Variants in PSD2 observed in about 807,000 individuals in gnomAD.
PSD2 encodes the protein PH and SEC7 domain-containing protein 2.
PSD2 carries 38 observed loss-of-function variants against 69.8 expected under a neutral mutation model. The ratio of observed to expected loss-of-function variants is 0.54; its 90% CI spans 0.42 to 0.71. The LOEUF is 0.71. PSD2 is among the 30% of genes least tolerant of loss of function. The probability of loss-of-function intolerance (pLI) is 0.00; values close to 1 mark genes in which losing one functional copy is unlikely to be tolerated. For synonymous variants in PSD2, 412 were observed against 423.0 expected (o/e 0.97, Z 0.32); for missense variants, 943 against 1,014.5 (o/e 0.93, Z 0.96).
At chr5:139,790,391 C>T in the PSD2 span, among the ~76,000 whole-genome samples, 3 of 151,866 alleles carry the variant, frequency 2.0e-5, no homozygotes, top group Admixed American at 6.6e-5. Context: ...AATCACACAC[C>T]GAGAAGCTTC....
intron 4 of PSD2, among the ~76,000 whole-genome samples, chr5:139,815,096 C>T (rs142863794): frequency 6.6e-6 from 1 of 152,168 alleles, no homozygotes; most frequent in Non-Finnish European, 1.5e-5. Flanking sequence ...AGACCCTTGT[C>T]CATGAGTGGG....
the PSD2 span, among the ~76,000 whole-genome samples, chr5:139,754,950 T>G: frequency 6.6e-6 from 1 of 152,140 alleles, no homozygotes. Flanking sequence ...GTATGTGTTT[T>G]TGTGTGTGTG....
upstream of PSD2, among the ~76,000 whole-genome samples, chr5:139,795,435 C>A (rs977000241): frequency 5.3e-5 from 8 of 152,090 alleles, no homozygotes; most frequent in Admixed American, 3.3e-4. This position sits in a 1 kb window ranked among gnomAD's most constrained non-coding sequence, Gnocchi z 4.5. Flanking sequence ...CAGGGCCTGG[C>A]GGGTCCCGAG....
chr5:139,762,036 T>A, the PSD2 span, among the ~76,000 whole-genome samples: 24 of 152,350 alleles, frequency 1.6e-4, no homozygotes, highest in Non-Finnish European at 2.8e-4. Context: ...CAATAATTTT[T>A]ATTTTTATTT....
At chr5:139,809,288 C>G in intron 1 of PSD2, 103 bp from the exon 2 acceptor site, 2 of 893,754 alleles carry the variant, frequency 2.2e-6, no homozygotes, top group Non-Finnish European at 3.4e-6. Flanking sequence ...TGGCCATCTC[C>G]CACTCTCAGG....
At chr5:139,823,417 C>G (rs1760324894) in intron 7 of PSD2, among the ~76,000 whole-genome samples, 1 of 152,324 alleles carries the variant, frequency 6.6e-6, no homozygotes, top group South Asian at 2.1e-4. Context: ...CCCATCTCTG[C>G]CCCATCATTG....
At chr5:139,797,662 C>G (rs180781828) in intron 1 of PSD2, among the ~76,000 whole-genome samples, 1 of 152,292 alleles carries the variant, frequency 6.6e-6, no homozygotes, top group East Asian at 1.9e-4. Context: ...GGGGTATTAC[C>G]TCACCTAGCT....
In PSD2 at chr5:139,814,045, G is replaced by T; in HGVS notation, c.822-125G>T. The T allele has an allele frequency of 1.1e-6, 1 of 903,138 alleles. No homozygotes were observed. Among genetic ancestry groups the T allele is most frequent in the Non-Finnish European group, 1.7e-6 (1 of 578,188 alleles). The allele number at this position is 903,138 out of a possible 1,614,324, so 55.9% of individuals were successfully genotyped here. A position where few individuals can be genotyped will look rare whatever the true frequency, so the allele number is the denominator to read the frequency against. ...TGATTTCATTCCCTCCGGCTGCAGT[G>T]GAGCTTCTTTCCCTGTTCTGGCCCC... On this transcript the variant is annotated intron_variant, in intron 3 of 14. Transcript: ENST00000274710. The surrounding 1 kb of genome is among the most constrained non-coding windows in gnomAD (Gnocchi z 4.4).
At chr5:139,802,410 C>T (rs949357974) in intron 1 of PSD2, among the ~76,000 whole-genome samples, 6 of 151,818 alleles carry the variant, frequency 4.0e-5, no homozygotes, top group African/African-American at 7.3e-5. Context: ...GTGTTGTATC[C>T]GAGGCTGGGC....
chr5:139,841,901 TTATCA>T (rs1760879686), intron 14 of PSD2, among the ~76,000 whole-genome samples: 1 of 152,172 alleles, frequency 6.6e-6, no homozygotes, highest in African/African-American at 2.4e-5. Context: ...TACAAGACCC[TTATCA>T]GATATATGAC....
chr5:139,774,969 G>T, the PSD2 span, among the ~76,000 whole-genome samples: 2 of 152,164 alleles, frequency 1.3e-5, no homozygotes, highest in Non-Finnish European at 2.9e-5. Context: ...ATCACCAGGA[G>T]CCCAGATCAT....
At position 139,842,808 on chromosome 5, in the gene PSD2, C is replaced by T. The variant is rs1199437007; in HGVS notation, c.*334C>T. The stretch of plus-strand genomic sequence containing the variant: ...TTGTCTTCCCAGGTCTTTCTCTTCT[C>T]ATCAAGCTCCTCTCCTCATCTTTTT... On this transcript the variant is annotated 3_prime_UTR_variant, in exon 15 of 15. Coordinates refer to ENST00000274710, the MANE Select transcript of PSD2 (RefSeq NM_032289.4). 1 of 237,222 alleles carries T rather than the reference C, an allele frequency of 4.2e-6. No individual in the cohort carries two copies. Among genetic ancestry groups the T allele is most frequent in the African/African-American group, 2.2e-5 (1 of 44,722 alleles). 14.7% of individuals were successfully genotyped at this position (237,222 alleles called of 1,614,324 possible). A position where few individuals can be genotyped will look rare whatever the true frequency, so the allele number is the denominator to read the frequency against.
intron 5 of PSD2, 55 bp downstream of exon 5, chr5:139,817,616 A>G: frequency 7.1e-7 from 1 of 1,399,522 alleles, no homozygotes; most frequent in South Asian, 1.2e-5. Flanking sequence ...GCACTTCTGG[A>G]TTCTCATGTC....
At chr5:139,822,853 C>T in intron 7 of PSD2, 69 bp downstream of exon 7, 1 of 1,370,490 alleles carries the variant, frequency 7.3e-7, no homozygotes, top group South Asian at 1.4e-5. Flanking sequence ...GATCCCGGCC[C>T]CTTCCTGAGA....
At chr5:139,803,900 T>C (rs1410277547) in intron 1 of PSD2, among the ~76,000 whole-genome samples, 1 of 152,054 alleles carries the variant, frequency 6.6e-6, no homozygotes, top group Non-Finnish European at 1.5e-5. Context: ...CCAGGCCCCT[T>C]GGTTGGCAGA....
At chr5:139,823,256 C>G (rs745506580) in intron 7 of PSD2, among the ~76,000 whole-genome samples, 2 of 152,230 alleles carry the variant, frequency 1.3e-5, no homozygotes, top group Non-Finnish European at 1.5e-5. Flanking sequence ...TCAATAACTC[C>G]TTCTTCTTTC....
At chr5:139,757,806 G>T in the PSD2 span, among the ~76,000 whole-genome samples, 1 of 152,158 alleles carries the variant, frequency 6.6e-6, no homozygotes, top group Non-Finnish European at 1.5e-5. Flanking sequence ...CTAGTTCTGG[G>T]GCCTGTCAAG....
the PSD2 span, among the ~76,000 whole-genome samples, chr5:139,749,196 C>A: frequency 6.6e-6 from 1 of 152,216 alleles, no homozygotes; most frequent in Non-Finnish European, 1.5e-5. Context: ...CTAGCATGCC[C>A]TCTACCCACC....
At position 139,830,577 on chromosome 5, in the gene PSD2, T is replaced by C. The variant is rs992810432; in HGVS notation, c.1270-3125T>C. 5.9e-3 allele frequency among the ~76,000 whole-genome samples: 571 copies of C among 96,262 alleles called. 9 individuals are homozygous for C. Among genetic ancestry groups the C allele is most frequent in the African/African-American group, 0.023 (498 of 21,224 alleles). The allele number at this position is 96,262 out of a possible 152,430, so 63.2% of individuals were successfully genotyped here. ...TCCTTCCTTCCTTCCTTTCTTTCTT[T>C]CTTTCTTTCTTTCTTTTTCTTTCTT... On this transcript the variant is annotated intron_variant, in intron 7 of 14. Coordinates refer to ENST00000274710, the MANE Select transcript of PSD2 (RefSeq NM_032289.4).
Sources: allele counts gnomAD v4.1 joint callset (sites outside exome capture counted in the v4.1 genomes callset), GRCh38; gene constraint gnomAD v4.1.1; non-coding constraint Gnocchi (gnomAD v3.1); transcripts MANE v1.5; gene names NCBI Gene and HGNC (gene_info 2026-07-23, HGNC 2026-07-21).